Variants in GRIA4 observed in about 807,000 individuals in gnomAD.
GRIA4 encodes glutamate receptor 4.
GRIA4 carries 34 observed loss-of-function variants against 104.0 expected under a neutral mutation model. The observed-to-expected ratio is 0.33, with a 90% CI of 0.25 to 0.44. The LOEUF (loss-of-function observed/expected upper bound fraction) is 0.44. GRIA4 is among the 20% of genes least tolerant of loss of function. The pLI is 1.00. For missense variants in GRIA4, 750 were observed against 1,096.5 expected, an observed-to-expected ratio of 0.68 and a Z score of 4.46; for synonymous variants, 386 against 381.9, an observed-to-expected ratio of 1.01 and a Z score of -0.13.
chr11:105,789,099 C>T (rs965894976), intron 4 of GRIA4, among the ~76,000 whole-genome samples: 1 of 151,984 alleles, frequency 6.6e-6, no homozygotes, highest in African/African-American at 2.4e-5. Flanking sequence ...AAAATAAAAT[C>T]TGACCAAAAG....
At chr11:105,898,188 G>T in intron 6 of GRIA4, 81 bp from the exon 7 acceptor site, 1 of 667,834 alleles carries the variant, frequency 1.5e-6, no homozygotes. Context: ...AATATGTATA[G>T]GTTATTAATT....
chr11:105,781,612 T>C (rs1941731280), intron 4 of GRIA4, among the ~76,000 whole-genome samples: 1 of 152,166 alleles, frequency 6.6e-6, no homozygotes, highest in South Asian at 2.1e-4. Flanking sequence ...TACGTCTTAG[T>C]TCTTAAAGAA....
intron 3 of GRIA4, among the ~76,000 whole-genome samples, chr11:105,667,104 G>T (rs1317308144): frequency 3.3e-5 from 5 of 151,928 alleles, no homozygotes; most frequent in African/African-American, 1.2e-4. Flanking sequence ...TACACATTCT[G>T]TGGACAAGAT....
chr11:105,804,533 C>A (rs1202562043), intron 4 of GRIA4, among the ~76,000 whole-genome samples: 1 of 151,802 alleles, frequency 6.6e-6, no homozygotes, highest in Non-Finnish European at 1.5e-5. Context: ...TATACTCCTG[C>A]ACAGAAAAAT....
rs1294901668 is a variant in GRIA4 at position 105,612,353 on chromosome 11, A to G, written c.166A>G (p.Asn56Asp). The G allele has an allele frequency of 6.2e-7, 1 of 1,613,940 alleles. No individual in the cohort carries two copies. The highest frequency in any genetic ancestry group is 1.7e-5 in the Admixed American group (1 of 60,008). ...LAIFLHNTSP[N>D]ASEAPFNLVP... is the part of the protein sequence containing the mutation. Reference sequence around the variant, plus strand: ...AATTTTTCTTCATAACACCAGCCCCAATGCGTCGGAAGCTCCTTTTAATTT... The same window carrying G: ...AATTTTTCTTCATAACACCAGCCCCGATGCGTCGGAAGCTCCTTTTAATTT... The change falls in exon 3 of 17, where the codon AAT becomes GAT. Residue 56 changes from asparagine (N) to aspartate (D), a missense_variant. By Grantham distance (23) the Asn-to-Asp change is conservative. Coordinates refer to ENST00000282499, the MANE Select transcript of GRIA4 (RefSeq NM_000829.4).
At chr11:105,725,238 T>C (rs1009797710) in intron 3 of GRIA4, among the ~76,000 whole-genome samples, 2 of 152,158 alleles carry the variant, frequency 1.3e-5, no homozygotes, top group African/African-American at 4.8e-5. Context: ...AGCAACAAAA[T>C]CTAATTCTGG....
chr11:105,620,740 CTTT>C (rs1306617064), intron 3 of GRIA4, among the ~76,000 whole-genome samples: 1 of 151,830 alleles, frequency 6.6e-6, no homozygotes, highest in Non-Finnish European at 1.5e-5. Flanking sequence ...CTAAATGACT[CTTT>C]TAACTGTTAT....
At chr11:105,691,939 A>C (rs1450891431) in intron 3 of GRIA4, among the ~76,000 whole-genome samples, 19 of 150,810 alleles carry the variant, frequency 1.3e-4, no homozygotes, top group Middle Eastern at 6.9e-3. Context: ...CCGTCTCAAA[A>C]AAAAAAAAAA....
At chr11:105,952,479 C>G (rs1380281447) in intron 14 of GRIA4, among the ~76,000 whole-genome samples, 1 of 152,114 alleles carries the variant, frequency 6.6e-6, no homozygotes, top group African/African-American at 2.4e-5. Context: ...TTTCATTGAT[C>G]AAACTCCCTA....
At chr11:105,650,773 T>C (rs79987899) in intron 3 of GRIA4, among the ~76,000 whole-genome samples, 12 of 152,278 alleles carry the variant, frequency 7.9e-5, no homozygotes, top group African/African-American at 2.9e-4. Context: ...GTCCATGAAA[T>C]ACGTTCACTT....
intron 3 of GRIA4, among the ~76,000 whole-genome samples, chr11:105,636,541 A>G (rs1027296319): frequency 2.0e-5 from 3 of 152,080 alleles, no homozygotes; most frequent in African/African-American, 7.2e-5. Context: ...GATCTCTACA[A>G]TTCCAGGCCT....
At position 105,856,468 on chromosome 11, in the gene GRIA4, G is replaced by C. The variant is rs112745059; in HGVS notation, c.488-5556G>C. The stretch of plus-strand genomic sequence containing the variant: ...CTTCTGAATGTGACCTGCTATGCAA[G>C]ATAAAAAGTATATTCATACAGTCTT... On this transcript the variant is annotated intron_variant, in intron 4 of 16. Coordinates refer to ENST00000282499, the MANE Select transcript of GRIA4 (RefSeq NM_000829.4). 4.9e-3 allele frequency among the ~76,000 whole-genome samples: 746 copies of C among 152,144 alleles called. 4 individuals are homozygous for C. Among genetic ancestry groups the C allele is most frequent in the South Asian group, 9.1e-3 (44 of 4,820 alleles).
intron 3 of GRIA4, among the ~76,000 whole-genome samples, chr11:105,745,789 T>C (rs1014811337): frequency 2.0e-5 from 3 of 152,198 alleles, no homozygotes; most frequent in Non-Finnish European, 2.9e-5. Context: ...TCAGTCTATA[T>C]TAAGACTTTT....
rs1946999327 is a variant in GRIA4, at chr11:105,905,196, G to T, written c.1054-1G>T. The T allele has an allele frequency of 6.4e-7, 1 of 1,567,790 alleles. No individual in the cohort carries two copies. Among genetic ancestry groups the T allele is most frequent in the Admixed American group, 1.7e-5 (1 of 59,800 alleles). ...CACGTGTGGTTTTCTTTTTCACTTA[G>T]GTTCGAATTCAAGGGCTGACAGGGA... On this transcript the variant is annotated splice_acceptor_variant, in intron 8 of 16. Coordinates refer to ENST00000282499, the MANE Select transcript of GRIA4 (RefSeq NM_000829.4). LOFTEE classifies it high-confidence loss of function.
rs554409855 is a variant in GRIA4, at chr11:105,885,008, G to A, written c.673-2511G>A. The stretch of plus-strand genomic sequence containing the variant: ...AGGGGCTTAGAGAGAGTGCAAAATG[G>A]CTTAAATAGCCACACCAGAAGAACG... On this transcript the variant is annotated intron_variant, in intron 5 of 16. Transcript: ENST00000282499. Among the ~76,000 whole-genome samples the A allele has an allele frequency of 3.3e-5, 5 of 152,172 alleles. No homozygotes were observed. In the East Asian group the frequency reaches 9.7e-4, roughly 29 times the overall value.
At chr11:105,675,328 C>T (rs1224355910) in intron 3 of GRIA4, among the ~76,000 whole-genome samples, 1 of 151,770 alleles carries the variant, frequency 6.6e-6, no homozygotes, top group Non-Finnish European at 1.5e-5. Context: ...AAATCTTCTG[C>T]ACATTTTGAA....
chr11:105,826,411 A>T (rs183720476), intron 4 of GRIA4, among the ~76,000 whole-genome samples: 10 of 152,038 alleles, frequency 6.6e-5, no homozygotes, highest in Non-Finnish European at 1.5e-4. Flanking sequence ...ATGGTTTCCA[A>T]CTGGAGCTTG....
chr11:105,715,269 G>T (rs947655412), intron 3 of GRIA4, among the ~76,000 whole-genome samples: 1 of 152,156 alleles, frequency 6.6e-6, no homozygotes, highest in Non-Finnish European at 1.5e-5. Flanking sequence ...AAGGCACGTT[G>T]TTGAGGACAT....
chr11:105,967,579 A>G (rs1386680119), intron 14 of GRIA4, among the ~76,000 whole-genome samples: 3 of 152,176 alleles, frequency 2.0e-5, no homozygotes, highest in African/African-American at 4.8e-5. Context: ...ATGTTTTAGA[A>G]TGAACGCTAT....
Sources: gnomAD v4.1 joint callset for allele counts (sites outside exome capture counted in the v4.1 genomes callset) on GRCh38, gnomAD v4.1.1 for gene constraint, MANE v1.5 for transcripts, NCBI Gene and HGNC (gene_info 2026-07-23, HGNC 2026-07-21) for gene names.